The following KCNH8 variants were observed in gnomAD, a reference collection of about 807,000 sequenced individuals.
The protein encoded by KCNH8 is potassium voltage-gated channel subfamily H member 8.
A neutral mutation model predicts 103.6 loss-of-function variants in KCNH8; 70 were observed. That is an observed-to-expected ratio of 0.68 (90% CI 0.56 to 0.82). The LOEUF (loss-of-function observed/expected upper bound fraction) is 0.82. Among genes scored for constraint, KCNH8 ranks in the 40% least tolerant of loss-of-function variants. KCNH8 has a pLI of 0.00. For synonymous variants in KCNH8, 498 were observed against 489.4 expected (o/e 1.02, Z -0.23); for missense variants, 1,217 against 1,329.9 (o/e 0.92, Z 1.32).
intron 11 of KCNH8, among the ~76,000 whole-genome samples, chr3:19,503,391 C>G (rs2068628237): frequency 1.3e-5 from 2 of 152,142 alleles, no homozygotes; most frequent in Non-Finnish European, 2.9e-5. Flanking sequence ...GGGTCTAGAA[C>G]TAGAAATACC....
At chr3:19,309,248 T>G (rs2065179261) in intron 3 of KCNH8, among the ~76,000 whole-genome samples, 1 of 151,904 alleles carries the variant, frequency 6.6e-6, no homozygotes, top group African/African-American at 2.4e-5. Flanking sequence ...GGTTTCCCTG[T>G]AGCTAAAAGA....
intron 15 of KCNH8, among the ~76,000 whole-genome samples, chr3:19,533,068 G>T (rs182755676): frequency 6.6e-6 from 1 of 152,124 alleles, no homozygotes; most frequent in East Asian, 1.9e-4. Context: ...GCTGCACGTT[G>T]TGGTGGGCGC....
chr3:19,442,349 G>T (rs968080416), intron 8 of KCNH8, among the ~76,000 whole-genome samples: 1 of 151,826 alleles, frequency 6.6e-6, no homozygotes, highest in Non-Finnish European at 1.5e-5. Context: ...GATAATTTTG[G>T]GAAATGCTCA....
intron 10 of KCNH8, among the ~76,000 whole-genome samples, chr3:19,452,255 G>A (rs2067460075): frequency 6.6e-6 from 1 of 152,028 alleles, no homozygotes. Context: ...CATGGTGGCA[G>A]GAGCCTGTAG....
Position 19,256,649 on chromosome 3 carries a change from C to T in KCNH8, c.310+2762C>T, listed in dbSNP as rs151052496. On this transcript the variant is annotated intron_variant, in intron 2 of 15. Transcript: ENST00000328405. ...TCTTTTTAAGCCTCTTCACAATATC[C>T]GAATCTAGGTGTCAGGACCAAACAA... 7.3e-3 allele frequency among the ~76,000 whole-genome samples: 1,105 copies of T among 152,080 alleles called. 6 individuals are homozygous for T. Among genetic ancestry groups the T allele is most frequent in the Admixed American group, 0.013 (191 of 15,264 alleles).
At chr3:19,471,685 T>C (rs1409317222) in intron 11 of KCNH8, among the ~76,000 whole-genome samples, 2 of 152,186 alleles carry the variant, frequency 1.3e-5, no homozygotes, top group Non-Finnish European at 1.5e-5. Flanking sequence ...GAAAAACTGG[T>C]CCAGAATCCT....
At chr3:19,259,429 G>A (rs2064398696) in intron 2 of KCNH8, among the ~76,000 whole-genome samples, 1 of 151,698 alleles carries the variant, frequency 6.6e-6, no homozygotes, top group South Asian at 2.1e-4. Context: ...CAGCATATAT[G>A]TTATTTTATT....
intron 5 of KCNH8, among the ~76,000 whole-genome samples, chr3:19,351,720 A>G (rs188752648): frequency 4.8e-4 from 73 of 152,302 alleles, no homozygotes; most frequent in African/African-American, 1.7e-3. Flanking sequence ...CTGCCTTACA[A>G]GAGCTCCTGA....
intron 1 of KCNH8, 72 bp downstream of exon 1, chr3:19,148,867 T>TCCCACCTTCCCTTTTGCA: frequency 7.7e-7 from 1 of 1,291,448 alleles, no homozygotes; most frequent in South Asian, 1.2e-5. Context: ...TTACTTTTGC[T>TCCCACCTTCCCTTTTGCA]CCCACCTTCC....
chr3:19,354,478 C>G lies in KCNH8; in HGVS notation c.811+6513C>G, dbSNP rs529795917. ...AGGTATCACGCTACCTGACTTCAAACTATACTACAAGGCTACAGTAACCAA... is the reference window on the plus strand; with the variant it reads ...AGGTATCACGCTACCTGACTTCAAAGTATACTACAAGGCTACAGTAACCAA... On this transcript the variant is annotated intron_variant, in intron 5 of 15. Transcript: ENST00000328405. Among the ~76,000 whole-genome samples the G allele has an allele frequency of 4.6e-5, 7 of 152,288 alleles. No homozygotes were observed. The East Asian group carries it at 1.4e-3, about 29-fold the overall frequency.
chr3:19,189,012 CAT>C (rs1559414759), intron 1 of KCNH8, among the ~76,000 whole-genome samples: 1 of 151,854 alleles, frequency 6.6e-6, no homozygotes, highest in Admixed American at 6.6e-5. Context: ...AGCCGTAACC[CAT>C]ATATATATTT....
chr3:19,234,932 C>G (rs956165755), intron 1 of KCNH8, among the ~76,000 whole-genome samples: 47 of 152,382 alleles, frequency 3.1e-4, no homozygotes, highest in African/African-American at 1.1e-3. Flanking sequence ...GGGATAGGCT[C>G]TGGCCACTCT....
At chr3:19,323,519 G>A (rs1402708437) in intron 3 of KCNH8, among the ~76,000 whole-genome samples, 7 of 152,164 alleles carry the variant, frequency 4.6e-5, no homozygotes, top group East Asian at 3.9e-4. Flanking sequence ...CAGAGGTTTT[G>A]TCTTGGTTTG....
At chr3:19,447,578 A>C (rs1325192978) in intron 8 of KCNH8, among the ~76,000 whole-genome samples, 1 of 152,020 alleles carries the variant, frequency 6.6e-6, no homozygotes, top group African/African-American at 2.4e-5. Context: ...TGGAAAGACT[A>C]TTACATAGTG....
chr3:19,315,146 A>G (rs1050683726), intron 3 of KCNH8, among the ~76,000 whole-genome samples: 2 of 152,008 alleles, frequency 1.3e-5, no homozygotes, highest in African/African-American at 4.8e-5. Context: ...TTCTAGAATC[A>G]TAACAAACAT....
At position 19,438,326 on chromosome 3, in the gene KCNH8, A is replaced by G; in HGVS notation, c.1340A>G (p.Glu447Gly). ...AACGTCTCTGCTAATACAGATGCAG[A>G]AAAGATCTTCTCCATCTGCACCATG... ...FGNVSANTDAEKIFSICTMLI... is the reference protein window; with the variant it reads ...FGNVSANTDAGKIFSICTMLI... Residue 447 changes from glutamate (E) to glycine (G), a missense_variant, in exon 8 of 16, where the codon GAA becomes GGA. Glu to Gly is a moderately conservative substitution (Grantham distance 98). Around this residue, in one of 3 missense-constraint regions of KCNH8, gnomAD observed 415 missense variants for 577.4 expected, o/e 0.72. Coordinates refer to ENST00000328405, the MANE Select transcript of KCNH8 (RefSeq NM_144633.3). 6.2e-7 allele frequency: 1 copy of G among 1,614,062 alleles called. No individual in the cohort carries two copies. Among genetic ancestry groups the G allele is most frequent in the Non-Finnish European group, 8.5e-7 (1 of 1,179,994 alleles).
intron 10 of KCNH8, among the ~76,000 whole-genome samples, chr3:19,454,144 C>CTGTGTG (rs372400109): frequency 2.2e-3 from 291 of 131,602 alleles, no homozygotes; most frequent in East Asian, 8.8e-3. Flanking sequence ...AGTAAGGCTT[C>CTGTGTG]TGTGTGTGTG....
intron 1 of KCNH8, among the ~76,000 whole-genome samples, chr3:19,163,187 A>T (rs1232522875): frequency 2.6e-5 from 4 of 151,722 alleles, no homozygotes; most frequent in Admixed American, 2.6e-4. Context: ...TAAGAGACAG[A>T]TATGGCTAAA....
chr3:19,236,779 G>T (rs1471894213), intron 1 of KCNH8, among the ~76,000 whole-genome samples: 1 of 152,072 alleles, frequency 6.6e-6, no homozygotes, highest in Non-Finnish European at 1.5e-5. Flanking sequence ...AAAAGCCAAA[G>T]GAGTAGATTT....
Sources: gnomAD v4.1 joint callset for allele counts (sites outside exome capture counted in the v4.1 genomes callset) on GRCh38, gnomAD v4.1.1 for gene constraint, gnomAD v4.1.1 regional missense constraint, MANE v1.5 for transcripts, NCBI Gene and HGNC (gene_info 2026-07-23, HGNC 2026-07-21) for gene names.